The following OLFM3 variants were observed in gnomAD, a reference collection of about 807,000 sequenced individuals.
OLFM3 encodes the protein noelin-3.
OLFM3 carries 20 observed loss-of-function variants against 48.6 expected under a neutral mutation model. The observed-to-expected ratio is 0.41, with a 90% CI of 0.29 to 0.60. The LOEUF (loss-of-function observed/expected upper bound fraction) is 0.60, where lower values mean the gene tolerates loss of function less well. Among genes scored for constraint, OLFM3 ranks in the 20% least tolerant of loss-of-function variants. OLFM3 has a pLI of 0.28. For missense variants in OLFM3, 437 were observed against 544.3 expected (o/e 0.80, Z 1.96); for synonymous variants, 222 against 198.1 (o/e 1.12, Z -1.01).
chr1:101,961,629 T>C (rs1348399714), intron 1 of OLFM3, among the ~76,000 whole-genome samples: 1 of 152,152 alleles, frequency 6.6e-6, no homozygotes, highest in Non-Finnish European at 1.5e-5. Context: ...TCTAATCTTG[T>C]AGTATTTCAA....
intron 1 of OLFM3, among the ~76,000 whole-genome samples, chr1:101,922,684 TA>T (rs2101039802): frequency 6.6e-6 from 1 of 152,304 alleles, no homozygotes; most frequent in African/African-American, 2.4e-5. Context: ...ATTAAAATTA[TA>T]ATAAAAACTC....
At chr1:101,823,590 T>C (rs1654710267) in intron 4 of OLFM3, among the ~76,000 whole-genome samples, 1 of 151,994 alleles carries the variant, frequency 6.6e-6, no homozygotes, top group Admixed American at 6.6e-5. Context: ...ACATAAGCCA[T>C]GGACTGTATC....
chr1:101,883,071 C>G (rs1009642878), intron 1 of OLFM3, among the ~76,000 whole-genome samples: 1 of 151,758 alleles, frequency 6.6e-6, no homozygotes, highest in East Asian at 1.9e-4. Flanking sequence ...GGAACTAAGA[C>G]GTGACCAGTG....
chr1:101,966,889 A>G (rs749924197), intron 1 of OLFM3, among the ~76,000 whole-genome samples: 14 of 152,210 alleles, frequency 9.2e-5, no homozygotes, highest in Non-Finnish European at 2.1e-4. Context: ...AGAGTTGGAT[A>G]AAATTCAGAT....
Position 101,829,050 on chromosome 1 carries a change from C to T in OLFM3, c.372+1622G>A, listed in dbSNP as rs1655019354. Among the ~76,000 whole-genome samples, 4 of 152,158 alleles carry T rather than the reference C, an allele frequency of 2.6e-5. No individual in the cohort carries two copies. The South Asian group carries it at 8.3e-4, about 32-fold the overall frequency. ...TTTGTGCTCATAAGTAATGTTTATG[C>T]CTCTATTCACCATCAATTCACCTGC... On this transcript the variant is annotated intron_variant, in intron 3 of 5. Coordinates refer to ENST00000370103, the MANE Select transcript of OLFM3 (RefSeq NM_058170.4).
chr1:101,967,597 A>AAAAAAAAAAAAAAAAAAAAAAG, intron 1 of OLFM3, among the ~76,000 whole-genome samples: 1 of 149,078 alleles, frequency 6.7e-6, no homozygotes, highest in Non-Finnish European at 1.5e-5. Context: ...AGTGAAAAAA[A>AAAAAAAAAAAAAAAAAAAAAAG]AAAAAAAAAA....
rs1013082872 is a variant in OLFM3, at chr1:101,923,280, C to T, written c.69+73468G>A. ...CTATTCCTTTGCTTTTGAATATTTGCTCCCGAATATAATATAAGATATGGT... is the reference window on the plus strand; with the variant it reads ...CTATTCCTTTGCTTTTGAATATTTGTTCCCGAATATAATATAAGATATGGT... On this transcript the variant is annotated intron_variant, in intron 1 of 5. Transcript: ENST00000370103. Among the ~76,000 whole-genome samples, 14 of 152,296 alleles carry T rather than the reference C, an allele frequency of 9.2e-5. No homozygotes were observed. The South Asian group carries it at 2.9e-3, about 32-fold the overall frequency.
intron 3 of OLFM3, among the ~76,000 whole-genome samples, chr1:101,828,066 G>GTC (rs200924384): frequency 0.017 from 2,484 of 141,976 alleles, 50 homozygotes; most frequent in Middle Eastern, 0.025. Context: ...CTCTCTCTCT[G>GTC]TCTCTCTCTC....
At chr1:101,917,397 A>G (rs1486863567) in intron 1 of OLFM3, among the ~76,000 whole-genome samples, 1 of 151,686 alleles carries the variant, frequency 6.6e-6, no homozygotes, top group South Asian at 2.1e-4. Flanking sequence ...AAATAAAAAT[A>G]AAAGCCATAA....
intron 1 of OLFM3, among the ~76,000 whole-genome samples, chr1:101,955,565 A>G (rs553139425): frequency 2.0e-5 from 3 of 151,974 alleles, no homozygotes; most frequent in Non-Finnish European, 4.4e-5. Context: ...TCTTCGCCCC[A>G]TGATTTCTAA....
chr1:101,959,506 C>A (rs757649512), intron 1 of OLFM3, among the ~76,000 whole-genome samples: 1 of 151,930 alleles, frequency 6.6e-6, no homozygotes, highest in Non-Finnish European at 1.5e-5. Flanking sequence ...GCACTGTGCT[C>A]GGCTTAAAAA....
chr1:101,810,758 A>G (rs1295283415), intron 4 of OLFM3, among the ~76,000 whole-genome samples: 1 of 151,912 alleles, frequency 6.6e-6, no homozygotes, highest in Admixed American at 6.6e-5. Flanking sequence ...AACTCTTACT[A>G]TTGACATAGC....
intron 1 of OLFM3, among the ~76,000 whole-genome samples, chr1:101,990,988 G>T (rs1185978832): frequency 0.019 from 14 of 736 alleles, no homozygotes; most frequent in Non-Finnish European, 0.046. Flanking sequence ...CTGTCAAAAA[G>T]TAAAAAAAAA....
intron 1 of OLFM3, among the ~76,000 whole-genome samples, chr1:101,969,745 C>T (rs987858350): frequency 2.0e-5 from 3 of 151,900 alleles, no homozygotes; most frequent in Middle Eastern, 3.2e-3. Context: ...TTTTTTCCCC[C>T]GTCCATACCA....
At chr1:101,912,901 A>G (rs982604800) in intron 1 of OLFM3, among the ~76,000 whole-genome samples, 2 of 152,220 alleles carry the variant, frequency 1.3e-5, no homozygotes, top group Admixed American at 6.5e-5. Flanking sequence ...GTCCTAGGAT[A>G]TAAAAAACAC....
intron 1 of OLFM3, among the ~76,000 whole-genome samples, chr1:101,978,933 C>A (rs17488829): frequency 0.25 from 37,684 of 151,912 alleles, 5,235 homozygotes; most frequent in Middle Eastern, 0.36. Flanking sequence ...ATATGTGATC[C>A]CTGTCTCCTT....
intron 1 of OLFM3, among the ~76,000 whole-genome samples, chr1:101,965,317 G>A (rs1660577580): frequency 1.3e-5 from 2 of 152,342 alleles, no homozygotes; most frequent in East Asian, 3.9e-4. Context: ...GAATTAAAAT[G>A]CGGGCTGCAG....
intron 2 of OLFM3, among the ~76,000 whole-genome samples, chr1:101,832,420 G>T (rs1655205392): frequency 6.6e-6 from 1 of 152,160 alleles, no homozygotes; most frequent in African/African-American, 2.4e-5. Context: ...GTCTTGGCCT[G>T]CCTCAGTTCT....
At chr1:101,824,975 T>A (rs754390713) in intron 4 of OLFM3, 51 bp downstream of exon 4, 37 of 1,502,794 alleles carry the variant, frequency 2.5e-5, no homozygotes, top group Non-Finnish European at 3.4e-5. Context: ...CACAATTTTC[T>A]TTGAAACTAT....
Sources: gnomAD v4.1 joint callset for allele counts (sites outside exome capture counted in the v4.1 genomes callset) on GRCh38, gnomAD v4.1.1 for gene constraint, MANE v1.5 for transcripts, NCBI Gene and HGNC (gene_info 2026-07-23, HGNC 2026-07-21) for gene names.